Variants in SH3RF1 observed in about 807,000 individuals in gnomAD.
The protein encoded by SH3RF1 is E3 ubiquitin-protein ligase SH3RF1.
In SH3RF1, 32 loss-of-function variants were observed where a neutral mutation model predicts 74.0. That is an observed-to-expected ratio of 0.43 (90% CI 0.33 to 0.58). The LOEUF (loss-of-function observed/expected upper bound fraction) is 0.58. SH3RF1 is among the 20% of genes least tolerant of loss of function. The pLI is 0.05. For missense variants in SH3RF1, 954 were observed against 1,130.9 expected, an observed-to-expected ratio of 0.84 and a Z score of 2.24; for synonymous variants, 396 against 439.6, an observed-to-expected ratio of 0.90 and a Z score of 1.24.
intron 2 of SH3RF1, among the ~76,000 whole-genome samples, chr4:169,244,445 C>T (rs1480512289): frequency 6.6e-6 from 1 of 151,970 alleles, no homozygotes; most frequent in Non-Finnish European, 1.5e-5. Context: ...CAGATGATCT[C>T]TTTCTACCCA....
At chr4:169,240,306 C>T (rs1188653110) in intron 2 of SH3RF1, among the ~76,000 whole-genome samples, 1 of 152,012 alleles carries the variant, frequency 6.6e-6, no homozygotes, top group Non-Finnish European at 1.5e-5. Context: ...AACAGTTCTC[C>T]CACCTCAGCC....
chr4:169,217,136 TG>T (rs1369137174), intron 2 of SH3RF1: 1 of 145,834 alleles, frequency 6.9e-6, no homozygotes, highest in Non-Finnish European at 1.5e-5. Context: ...GCACTCCAGC[TG>T]GGTGACAAAG....
In SH3RF1 at chr4:169,269,085, G is replaced by A. The variant is rs1731402560; in HGVS notation, c.128C>T (p.Ser43Phe). 1 of 1,614,158 alleles carries A rather than the reference G, an allele frequency of 6.2e-7. No individual in the cohort carries two copies. The highest frequency in any genetic ancestry group is 1.7e-5 in the Admixed American group (1 of 60,024). The stretch of plus-strand genomic sequence containing the variant: ...CTCGGGACATCTGAGTTCATTTCGA[G>A]AACCTACGATCCCCAGCAAACATCG... ...CKRCLLGIVG[S>F]RNELRCPECR... The change falls in exon 2 of 12, where the codon TCT becomes TTT. Residue 43 changes from serine to phenylalanine, a missense_variant. Coordinates refer to ENST00000284637, the MANE Select transcript of SH3RF1 (RefSeq NM_020870.4).
At chr4:169,141,812 C>CTTT (rs35864108) in intron 4 of SH3RF1, among the ~76,000 whole-genome samples, 8 of 118,508 alleles carry the variant, frequency 6.8e-5, no homozygotes, top group Admixed American at 1.7e-4. Flanking sequence ...CTAATTTTTG[C>CTTT]TTTTTTTTTT....
intron 6 of SH3RF1, among the ~76,000 whole-genome samples, chr4:169,127,859 T>C (rs1416948348): frequency 1.3e-5 from 2 of 152,172 alleles, no homozygotes; most frequent in Non-Finnish European, 2.9e-5. Flanking sequence ...CCACTACAGG[T>C]TGAATATCCC....
Position 169,107,134 on chromosome 4 carries a change from T to C in SH3RF1, c.2211A>G (p.Pro737=). ...STKRKPRVSP[P]ASPTLEVELG... ...GCTCCACTTCTAGGGTGGGCGATGC[T>C]GGAGGAGACACGCGGGGCTTCCGTT... The change falls in exon 11 of 12, where the codon CCA becomes CCG. Residue 737 remains proline (P), a synonymous_variant. Transcript: ENST00000284637. The C allele has an allele frequency of 1.9e-6, 3 of 1,608,026 alleles. No individual in the cohort carries two copies. Among genetic ancestry groups the C allele is most frequent in the East Asian group, 2.2e-5 (1 of 44,750 alleles).
At chr4:169,205,737 C>T (rs1730244835) in intron 2 of SH3RF1, among the ~76,000 whole-genome samples, 1 of 152,070 alleles carries the variant, frequency 6.6e-6, no homozygotes, top group African/African-American at 2.4e-5. Flanking sequence ...CGTACCATAC[C>T]AACACAATGA....
At chr4:169,255,489 TA>T (rs1231540768) in intron 2 of SH3RF1, among the ~76,000 whole-genome samples, 2 of 151,884 alleles carry the variant, frequency 1.3e-5, no homozygotes, top group African/African-American at 4.8e-5. Flanking sequence ...TTAAGCCACA[TA>T]ATCTTAATGG....
chr4:169,268,821 C>G lies in SH3RF1; in HGVS notation c.392G>C (p.Arg131Thr), dbSNP rs200790356. 1.9e-6 allele frequency: 3 copies of G among 1,582,586 alleles called. No homozygotes were observed. In the East Asian group the frequency reaches 6.7e-5, roughly 35 times the overall value. The change falls in exon 2 of 12, where the codon AGG becomes ACG. Residue 131 changes from arginine (R) to threonine (T), a missense_variant and splice_region_variant. Arg to Thr is a moderately conservative substitution (Grantham distance 71, BLOSUM62 -1). Transcript: ENST00000284637. ...AAACTACCTCTGTAGGCTACTTACC[C>G]TCACTGGGGGGCTCCAGGATTGCAC... Reference protein sequence around the residue: ...PRVQSWSPPVRGIPQLPCAKA... With the variant: ...PRVQSWSPPVTGIPQLPCAKA...
At chr4:169,210,884 C>T (rs1730349917) in intron 2 of SH3RF1, among the ~76,000 whole-genome samples, 1 of 152,238 alleles carries the variant, frequency 6.6e-6, no homozygotes, top group African/African-American at 2.4e-5. Context: ...CGGAGTCTCT[C>T]TCAACCTATT....
At position 169,155,531 on chromosome 4, in the gene SH3RF1, A is replaced by G. The variant is rs375478546; in HGVS notation, c.714T>C (p.Ala238=). 2.5e-6 allele frequency: 4 copies of G among 1,613,770 alleles called. No individual in the cohort carries two copies. The African/African-American group carries it at 4.0e-5, about 16-fold the overall frequency. ...TVIRRVDENW[A]EGMLADKIGI... ...CTATTTTGTCTGCCAGCATTCCTTCAGCCCAGTTTTCATCCACTCTTCGGA... is the reference window on the plus strand; with the variant it reads ...CTATTTTGTCTGCCAGCATTCCTTCGGCCCAGTTTTCATCCACTCTTCGGA... Residue 238 remains alanine (A), a synonymous_variant, in exon 4 of 12, where the codon GCT becomes GCC. Coordinates refer to ENST00000284637, the MANE Select transcript of SH3RF1 (RefSeq NM_020870.4).
At chr4:169,139,818 T>C in intron 4 of SH3RF1, among the ~76,000 whole-genome samples, 1 of 152,342 alleles carries the variant, frequency 6.6e-6, no homozygotes, top group African/African-American at 2.4e-5. Flanking sequence ...CTTTGGGGCC[T>C]TAAGGGAGCC....
chr4:169,264,417 G>C (rs1455010897), intron 2 of SH3RF1, among the ~76,000 whole-genome samples: 2 of 152,148 alleles, frequency 1.3e-5, no homozygotes, highest in Admixed American at 6.5e-5. Flanking sequence ...GCCACATTGT[G>C]AGGTACTAGG....
intron 4 of SH3RF1, among the ~76,000 whole-genome samples, chr4:169,139,945 G>T (rs1561034349): frequency 6.6e-6 from 1 of 152,082 alleles, no homozygotes; most frequent in Non-Finnish European, 1.5e-5. Flanking sequence ...AAATGGACAA[G>T]TTTCATTTTT....
intron 2 of SH3RF1, among the ~76,000 whole-genome samples, chr4:169,234,542 T>G (rs185807703): frequency 5.3e-5 from 8 of 152,350 alleles, no homozygotes; most frequent in African/African-American, 1.9e-4. Context: ...TCCTAATAGC[T>G]GCTTTCATGG....
At chr4:169,184,595 C>T (rs1226201298) in intron 2 of SH3RF1, among the ~76,000 whole-genome samples, 6 of 152,128 alleles carry the variant, frequency 3.9e-5, no homozygotes, top group Non-Finnish European at 7.3e-5. Flanking sequence ...ATTCAATCCA[C>T]GGAGACCACT....
chr4:169,181,299 G>A (rs111409205), intron 2 of SH3RF1, among the ~76,000 whole-genome samples: 15,296 of 120,648 alleles, frequency 0.13, 855 homozygotes, highest in Middle Eastern at 0.27. Flanking sequence ...GTCTTGCTCT[G>A]TTGCCCAGGC....
intron 2 of SH3RF1, among the ~76,000 whole-genome samples, chr4:169,222,131 G>C (rs961481123): frequency 6.6e-6 from 1 of 152,142 alleles, no homozygotes. Context: ...TACTGCAATA[G>C]AAAATCAGCA....
intron 2 of SH3RF1, among the ~76,000 whole-genome samples, chr4:169,179,448 C>CT (rs1734473448): frequency 6.6e-6 from 1 of 152,164 alleles, no homozygotes; most frequent in Non-Finnish European, 1.5e-5. Context: ...TTGTTGTAAT[C>CT]TGTTACAGCA....
Sources: allele counts gnomAD v4.1 joint callset (sites outside exome capture counted in the v4.1 genomes callset), GRCh38; gene constraint gnomAD v4.1.1; transcripts MANE v1.5; gene names NCBI Gene and HGNC (gene_info 2026-07-23, HGNC 2026-07-21).